The following BCAS3 variants were observed in gnomAD, a reference collection of about 807,000 sequenced individuals.
BCAS3 encodes the protein BCAS4/BCAS3 fusion.
Under a neutral mutation model 116.1 loss-of-function variants are expected in BCAS3, and 53 were observed. That is an observed-to-expected ratio of 0.46 (90% CI 0.37 to 0.57). The LOEUF is 0.57. Among genes scored for constraint, BCAS3 ranks in the 20% least tolerant of loss-of-function variants. The pLI is 0.00. For missense variants in BCAS3, 917 were observed against 1,165.4 expected (o/e 0.79, Z 3.10); for synonymous variants, 391 against 408.2 (o/e 0.96, Z 0.51).
chr17:60,911,123 C>CTTTTTTTTTTTTTTTTTTTTTTTTT (rs1162942971), intron 12 of BCAS3, among the ~76,000 whole-genome samples: 5 of 88,256 alleles, frequency 5.7e-5, no homozygotes, highest in African/African-American at 9.0e-5. Flanking sequence ...TTTTTTCTTT[C>CTTTTTTTTTTTTTTTTTTTTTTTTT]TTTTTTTTTT....
intron 22 of BCAS3, chr17:61,353,975 A>T (rs1334311464): frequency 1.3e-5 from 2 of 152,306 alleles, no homozygotes; most frequent in Non-Finnish European, 2.9e-5. Flanking sequence ...GCTGAAAGTC[A>T]GAGAAGTCCC....
Position 61,060,714 on chromosome 17 carries a change from A to G in BCAS3, c.2030-14206A>G, listed in dbSNP as rs193290773. Among the ~76,000 whole-genome samples, 10 of 152,352 alleles carry G rather than the reference A, an allele frequency of 6.6e-5. No individual in the cohort carries two copies. The East Asian group carries it at 1.9e-3, about 29-fold the overall frequency. On this transcript the variant is annotated intron_variant, in intron 19 of 23. Transcript: ENST00000407086. ...GTACATAGTACACAGTTAGTTGTAT[A>G]AGGAATCTACCAATTACCAAGTTTC...
At chr17:60,858,931 G>A (rs2053916300) in intron 7 of BCAS3, among the ~76,000 whole-genome samples, 1 of 151,414 alleles carries the variant, frequency 6.6e-6, no homozygotes, top group East Asian at 2.0e-4. Flanking sequence ...TTAAAAAACT[G>A]TATTCTTCTT....
rs1156605155 is a variant in BCAS3 at position 61,365,878 on chromosome 17, C to T, written c.2426-2449C>T. Among the ~76,000 whole-genome samples, 1 of 152,008 alleles carries T rather than the reference C, an allele frequency of 6.6e-6. No homozygotes were observed. Among genetic ancestry groups the T allele is most frequent in the Admixed American group, 6.6e-5 (1 of 15,262 alleles). Reference sequence around the variant, plus strand: ...TGTATAGCAGCCAGGTGCGGTGGCTCACACCTGGAATCCCAGCACTTTGGG... The same window carrying T: ...TGTATAGCAGCCAGGTGCGGTGGCTTACACCTGGAATCCCAGCACTTTGGG... On this transcript the variant is annotated intron_variant, in intron 22 of 23. Coordinates refer to ENST00000407086, the MANE Select transcript of BCAS3 (RefSeq NM_017679.5). This position sits in a 1 kb window ranked among gnomAD's most constrained non-coding sequence, Gnocchi z 4.6.
intron 21 of BCAS3, among the ~76,000 whole-genome samples, chr17:61,080,114 A>G (rs1308554731): frequency 6.6e-6 from 1 of 151,776 alleles, no homozygotes; most frequent in Non-Finnish European, 1.5e-5. Flanking sequence ...TATGTTGGCC[A>G]GGCTGGTCTT....
chr17:60,718,279 G>A (rs577346415), intron 5 of BCAS3, among the ~76,000 whole-genome samples: 2 of 150,840 alleles, frequency 1.3e-5, no homozygotes, highest in South Asian at 4.2e-4. Context: ...TTTTTTTTCA[G>A]GCAACCCTCA....
At position 61,379,593 on chromosome 17, in the gene BCAS3, T is replaced by TAAA. The variant is rs2143607009; in HGVS notation, c.2593+11099_2593+11100insAAA. On this transcript the variant is annotated intron_variant, in intron 23 of 23. Coordinates refer to ENST00000407086, the MANE Select transcript of BCAS3 (RefSeq NM_017679.5). The surrounding 1 kb of genome is among the most constrained non-coding windows in gnomAD (Gnocchi z 5.5). ...TTCCAGCCTTGGCCTTTTACTTATT[T>TAAA]CTTCCTGCCCACTCCTCCTCCCACG... The TAAA allele has an allele frequency of 6.6e-6, 1 of 152,270 alleles. No individual in the cohort carries two copies. The highest frequency in any genetic ancestry group is 1.9e-4 in the East Asian group (1 of 5,178). 9.4% of individuals were successfully genotyped at this position (152,270 alleles called of 1,614,324 possible).
intron 14 of BCAS3, among the ~76,000 whole-genome samples, chr17:60,963,642 G>T (rs146826264): frequency 1.3e-5 from 2 of 148,404 alleles, no homozygotes; most frequent in Admixed American, 1.4e-4. Flanking sequence ...TGCAAGCTCC[G>T]CCTCCCAGGT....
intron 6 of BCAS3, among the ~76,000 whole-genome samples, chr17:60,787,287 C>G (rs2046363119): frequency 6.6e-6 from 1 of 152,164 alleles, no homozygotes; most frequent in Admixed American, 6.5e-5. Context: ...CTCACATGTA[C>G]TTTCCCAGTC....
intron 6 of BCAS3, among the ~76,000 whole-genome samples, chr17:60,804,862 A>T (rs1274197608): frequency 6.6e-6 from 1 of 151,988 alleles, no homozygotes; most frequent in Non-Finnish European, 1.5e-5. Context: ...AAATTTAGTT[A>T]TATAGTCCTT....
rs1183346188 is a variant in BCAS3, at chr17:61,379,018, TC to T, written c.2593+10526del. The T allele has an allele frequency of 1.1e-4, 16 of 152,322 alleles. No individual in the cohort carries two copies. The highest frequency in any genetic ancestry group is 3.4e-3 in the Middle Eastern group (1 of 294). 9.4% of individuals were successfully genotyped at this position (152,322 alleles called of 1,614,324 possible). The stretch of plus-strand genomic sequence containing the variant: ...CTCTGTGACCCTTCAGAGTCCCCTC[TC>T]CAGGTGCTGCCCCAACATGAAAGCA... On this transcript the variant is annotated intron_variant, in intron 23 of 23. Coordinates refer to ENST00000407086, the MANE Select transcript of BCAS3 (RefSeq NM_017679.5). This position sits in a 1 kb window ranked among gnomAD's most constrained non-coding sequence, Gnocchi z 5.5.
chr17:60,974,958 A>G (rs2062201719), intron 14 of BCAS3, among the ~76,000 whole-genome samples: 1 of 150,382 alleles, frequency 6.6e-6, no homozygotes, highest in Non-Finnish European at 1.5e-5. Context: ...TACCCATATT[A>G]TATTCAAGCC....
chr17:61,086,867 T>C (rs752446710), intron 22 of BCAS3: 107 of 985,172 alleles, frequency 1.1e-4, no homozygotes, highest in Non-Finnish European at 1.2e-4. Context: ...TCAGATCCCT[T>C]TTGAATGAGA....
At chr17:61,304,555 A>G (rs370997876) in intron 22 of BCAS3, among the ~76,000 whole-genome samples, 2 of 152,150 alleles carry the variant, frequency 1.3e-5, no homozygotes, top group East Asian at 1.9e-4. Context: ...TCATCTGGGA[A>G]GCCTCGTCTA....
Position 61,307,896 on chromosome 17 carries a change from T to C in BCAS3, c.2426-60431T>C, listed in dbSNP as rs1476174782. Reference sequence around the variant, plus strand: ...GGTTACAGATCTAACACAAATAATGTTACGTGAGCAACCCCAAACAGTATA... The same window carrying C: ...GGTTACAGATCTAACACAAATAATGCTACGTGAGCAACCCCAAACAGTATA... On this transcript the variant is annotated intron_variant, in intron 22 of 23. Transcript: ENST00000407086. The surrounding 1 kb of genome is among the most constrained non-coding windows in gnomAD (Gnocchi z 4.7). 1.3e-5 allele frequency among the ~76,000 whole-genome samples: 2 copies of C among 152,060 alleles called. No individual in the cohort carries two copies. Among genetic ancestry groups the C allele is most frequent in the East Asian group, 3.8e-4 (2 of 5,198 alleles).
At chr17:60,965,615 C>T (rs971697693) in intron 14 of BCAS3, among the ~76,000 whole-genome samples, 23 of 152,186 alleles carry the variant, frequency 1.5e-4, no homozygotes, top group African/African-American at 5.3e-4. Flanking sequence ...ATTGGTCACT[C>T]AGGAGCATGT....
chr17:61,156,171 T>TA lies in BCAS3; in HGVS notation c.2425+71621dup, dbSNP rs57589505. ...GAGAAAGACAGTCAGCCAGACACAT[T>TA]AAAAAAAAAAAAAAGAAAAGTAAAA... On this transcript the variant is annotated intron_variant, in intron 22 of 23. Transcript: ENST00000407086. This position sits in a 1 kb window ranked among gnomAD's most constrained non-coding sequence, Gnocchi z 4.7. 6.3e-3 allele frequency among the ~76,000 whole-genome samples: 888 copies of TA among 140,860 alleles called. 6 individuals are homozygous for TA. The highest frequency in any genetic ancestry group is 0.016 in the African/African-American group (610 of 38,614). 92.4% of individuals were successfully genotyped at this position (140,860 alleles called of 152,430 possible). A position where few individuals can be genotyped will look rare whatever the true frequency, so the allele number is the denominator to read the frequency against.
chr17:61,075,929 T>C (rs1477761210), intron 20 of BCAS3, among the ~76,000 whole-genome samples: 3 of 152,086 alleles, frequency 2.0e-5, no homozygotes, highest in Non-Finnish European at 4.4e-5. Context: ...TTTTTTTGTT[T>C]GTTTTTTAAT....
intron 22 of BCAS3, among the ~76,000 whole-genome samples, chr17:61,119,941 T>C (rs568775017): frequency 1.4e-4 from 22 of 152,024 alleles, no homozygotes; most frequent in Non-Finnish European, 2.8e-4. Context: ...AAGAAAGATA[T>C]AGAACCTATG....
Sources: allele counts gnomAD v4.1 joint callset (sites outside exome capture counted in the v4.1 genomes callset), GRCh38; gene constraint gnomAD v4.1.1; non-coding constraint Gnocchi (gnomAD v3.1); transcripts MANE v1.5; gene names NCBI Gene and HGNC (gene_info 2026-07-23, HGNC 2026-07-21).